DPP6: variants seen among roughly 807,000 people sequenced by gnomAD.
DPP6 encodes the protein dipeptidyl peptidase like 6, also known as A-type potassium channel modulatory protein DPP6.
DPP6 carries 69 observed loss-of-function variants against 122.6 expected under a neutral mutation model. The ratio of observed to expected loss-of-function variants is 0.56; its 90% confidence interval spans 0.46 to 0.69. DPP6 has a LOEUF of 0.69. DPP6 is among the 30% of genes least tolerant of loss of function. DPP6 has a pLI of 0.00. For synonymous variants in DPP6, 418 were observed against 433.1 expected (o/e 0.97, Z 0.43); for missense variants, 928 against 1,116.9 (o/e 0.83, Z 2.41).
intron 1 of DPP6, among the ~76,000 whole-genome samples, chr7:154,340,868 C>G (rs1809865314): frequency 6.6e-6 from 1 of 152,166 alleles, no homozygotes; most frequent in South Asian, 2.1e-4. Flanking sequence ...CCATGAAACC[C>G]GTGTCCACTA....
chr7:154,866,913 C>T (rs1247705567), intron 17 of DPP6, among the ~76,000 whole-genome samples: 1 of 151,788 alleles, frequency 6.6e-6, no homozygotes, highest in African/African-American at 2.4e-5. Flanking sequence ...GCCACACGTC[C>T]AGATTCTCCT....
intron 1 of DPP6, among the ~76,000 whole-genome samples, chr7:153,942,558 A>C (rs1801745940): frequency 6.6e-6 from 1 of 152,158 alleles, no homozygotes; most frequent in Non-Finnish European, 1.5e-5. Context: ...AGAGGGCAGG[A>C]AGGGAGGCAG....
chr7:154,323,396 G>A (rs1243368445), intron 1 of DPP6, among the ~76,000 whole-genome samples: 1 of 152,076 alleles, frequency 6.6e-6, no homozygotes, highest in African/African-American at 2.4e-5. Context: ...TGAAGCGAGT[G>A]TTCCGTTGAC....
At chr7:154,608,697 T>G (rs966347625) in intron 5 of DPP6, among the ~76,000 whole-genome samples, 1 of 152,058 alleles carries the variant, frequency 6.6e-6, no homozygotes, top group Non-Finnish European at 1.5e-5. Flanking sequence ...TTCATGTTAT[T>G]GCTCTTGGGT....
rs374623190 is a variant in DPP6 at position 154,063,841 on chromosome 7, A to T, written c.243+10778A>T. Among the ~76,000 whole-genome samples, 45 of 151,456 alleles carry T rather than the reference A, an allele frequency of 3.0e-4. 1 individual carries two copies. Among genetic ancestry groups the T allele is most frequent in the African/African-American group, 9.5e-4 (39 of 41,226 alleles). On this transcript the variant is annotated intron_variant, in intron 1 of 25. Transcript: ENST00000377770. The stretch of plus-strand genomic sequence containing the variant: ...GTTCAAATCTTCCGACGGCAAGTGC[A>T]TGATAGTCTGCATGAAACCCTAATA...
intron 1 of DPP6, among the ~76,000 whole-genome samples, chr7:153,918,427 AACACACACAC>A (rs5888535): frequency 0.16 from 17,488 of 110,516 alleles, 1,645 homozygotes; most frequent in Middle Eastern, 0.24. Context: ...AGTTAATTAA[AACACACACAC>A]ACACACACAC....
chr7:154,032,473 C>A (rs1471580546), intron 1 of DPP6, among the ~76,000 whole-genome samples: 2 of 152,072 alleles, frequency 1.3e-5, no homozygotes, highest in Non-Finnish European at 2.9e-5. Flanking sequence ...AGACAATTCC[C>A]CAGTAAAATG....
the DPP6 span, among the ~76,000 whole-genome samples, chr7:153,868,811 A>T: frequency 2.6e-5 from 4 of 151,788 alleles, no homozygotes; most frequent in African/African-American, 9.7e-5. Flanking sequence ...TTCCCTCTAC[A>T]CACTGCTTTG....
rs538124097 is a variant in DPP6, at chr7:154,029,478, C to G, written c.51+141744C>G. ...CTTGCAGTGAGCTGAGATCGCACCA[C>G]TGTACTCCAGCCTGGGTGACTGAGC... On this transcript the variant is annotated intron_variant, in intron 1 of 25. Coordinates refer to the DPP6 transcript ENST00000404039. 5.3e-5 allele frequency among the ~76,000 whole-genome samples: 8 copies of G among 151,498 alleles called. No individual in the cohort carries two copies. The South Asian group carries it at 1.5e-3, about 28-fold the overall frequency.
chr7:154,521,342 C>G (rs1182924490), intron 3 of DPP6, among the ~76,000 whole-genome samples: 2 of 151,500 alleles, frequency 1.3e-5, no homozygotes, highest in Admixed American at 6.6e-5. Context: ...TTTGCAAAAA[C>G]AAATCCTAAT....
chr7:153,808,472 T>G, the DPP6 span, among the ~76,000 whole-genome samples: 1 of 151,910 alleles, frequency 6.6e-6, no homozygotes, highest in East Asian at 1.9e-4. Context: ...ATGAGAACAT[T>G]TAAGATCTGC....
intron 3 of DPP6, among the ~76,000 whole-genome samples, chr7:154,503,381 A>G (rs1438867233): frequency 1.3e-5 from 2 of 152,112 alleles, no homozygotes; most frequent in African/African-American, 4.8e-5. Context: ...CATGCTTACT[A>G]CCCAATTGAT....
At chr7:154,271,171 A>G (rs1248938097) in intron 1 of DPP6, among the ~76,000 whole-genome samples, 1 of 152,186 alleles carries the variant, frequency 6.6e-6, no homozygotes, top group East Asian at 1.9e-4. Flanking sequence ...CTCTGGTAAT[A>G]GTCTATGTAA....
chr7:154,588,009 G>A (rs1277912256), intron 5 of DPP6: 1 of 1,612,720 alleles, frequency 6.2e-7, no homozygotes, highest in Non-Finnish European at 8.5e-7. Flanking sequence ...GCAGGTGTGA[G>A]GCATCGCATC....
intron 1 of DPP6, among the ~76,000 whole-genome samples, chr7:154,284,442 T>C (rs774696347): frequency 3.9e-5 from 6 of 152,250 alleles, no homozygotes; most frequent in Non-Finnish European, 5.9e-5. Context: ...ACAACCCAAG[T>C]GTCTATCAAC....
At chr7:154,361,803 G>A (rs1416177978) in intron 1 of DPP6, among the ~76,000 whole-genome samples, 1 of 152,208 alleles carries the variant, frequency 6.6e-6, no homozygotes, top group East Asian at 1.9e-4. Context: ...GCATTATGAA[G>A]GAGGCATTAT....
At chr7:154,527,834 T>A (rs1300098398) in intron 3 of DPP6, among the ~76,000 whole-genome samples, 2 of 152,172 alleles carry the variant, frequency 1.3e-5, no homozygotes, top group Non-Finnish European at 1.5e-5. Flanking sequence ...AACATACGCA[T>A]GGTCTTCAAA....
Position 153,893,665 on chromosome 7 carries a change from T to C in DPP6, c.51+5931T>C, listed in dbSNP as rs1419807401. Among the ~76,000 whole-genome samples the C allele has an allele frequency of 3.9e-5, 6 of 152,350 alleles. No individual in the cohort carries two copies. In the East Asian group the frequency reaches 1.2e-3, roughly 29 times the overall value. On this transcript the variant is annotated intron_variant, in intron 1 of 25. Transcript: ENST00000404039. The stretch of plus-strand genomic sequence containing the variant: ...ATTGTAAACAGCTGATGCATCAATC[T>C]TCTTTATTTGAGGAGGCGTAGAAGT...
At chr7:154,065,867 G>A (rs1054144936) in intron 1 of DPP6, among the ~76,000 whole-genome samples, 2 of 151,906 alleles carry the variant, frequency 1.3e-5, no homozygotes, top group African/African-American at 4.8e-5. Context: ...GCCTGCATGA[G>A]GGCTTCAGGA....
Sources: gnomAD v4.1 joint callset for allele counts (sites outside exome capture counted in the v4.1 genomes callset) on GRCh38, gnomAD v4.1.1 for gene constraint, MANE v1.5 for transcripts, NCBI Gene and HGNC (gene_info 2026-07-23, HGNC 2026-07-21) for gene names.